Variants in PGCKA1 observed in about 807,000 individuals in gnomAD.
PGCKA1 encodes PDCD10 and GCKIII kinases-associated protein 1.
chr4:37,472,370 A>G, the PGCKA1 span, among the ~76,000 whole-genome samples: 1 of 152,302 alleles, frequency 6.6e-6, no homozygotes, highest in South Asian at 2.1e-4. Flanking sequence ...TTTGTCCTGA[A>G]TCTATCAACT....
chr4:37,546,795 C>T, the PGCKA1 span, among the ~76,000 whole-genome samples: 1 of 152,230 alleles, frequency 6.6e-6, no homozygotes, highest in Admixed American at 6.5e-5. Flanking sequence ...TGACGCGATC[C>T]AAAGACCGCT....
At chr4:37,567,065 AAAAAAT>A in the PGCKA1 span, among the ~76,000 whole-genome samples, 1,057 of 152,130 alleles carry the variant, frequency 6.9e-3, 4 homozygotes, top group Middle Eastern at 0.017. Context: ...AGCGGACAAA[AAAAAAT>A]AAAATAAAAT....
At chr4:37,492,190 C>T in the PGCKA1 span, among the ~76,000 whole-genome samples, 48 of 152,060 alleles carry the variant, frequency 3.2e-4, no homozygotes, top group Middle Eastern at 3.4e-3. This position sits in a 1 kb window ranked among gnomAD's most constrained non-coding sequence, Gnocchi z 4.7. Context: ...TACAGGTGTG[C>T]GCCACCACTG....
the PGCKA1 span, among the ~76,000 whole-genome samples, chr4:37,577,257 T>A: frequency 1.3e-5 from 2 of 152,088 alleles, no homozygotes; most frequent in Non-Finnish European, 2.9e-5. Context: ...TTTGATCTTG[T>A]TATTGGTCAG....
chr4:37,577,346 C>A, the PGCKA1 span, among the ~76,000 whole-genome samples: 1 of 151,992 alleles, frequency 6.6e-6, no homozygotes, highest in South Asian at 2.1e-4. Context: ...TCTAGATTTT[C>A]CAGTTTATTG....
chr4:37,493,162 T>G, the PGCKA1 span, among the ~76,000 whole-genome samples: 46 of 152,326 alleles, frequency 3.0e-4, no homozygotes, highest in African/African-American at 8.4e-4. Context: ...TTAATAAGAT[T>G]CAGGAAGAGG....
chr4:37,497,388 A>G, the PGCKA1 span, among the ~76,000 whole-genome samples: 2 of 152,140 alleles, frequency 1.3e-5, no homozygotes, highest in African/African-American at 4.8e-5. Context: ...TTGTGTTGCT[A>G]TAAACATGCG....
chr4:37,580,905 A>G, the PGCKA1 span, among the ~76,000 whole-genome samples: 1 of 152,140 alleles, frequency 6.6e-6, no homozygotes, highest in Non-Finnish European at 1.5e-5. Context: ...TTAGAGATCT[A>G]CCTGGTGCTC....
the PGCKA1 span, among the ~76,000 whole-genome samples, chr4:37,477,574 T>TA: frequency 6.6e-6 from 1 of 152,204 alleles, no homozygotes; most frequent in African/African-American, 2.4e-5. Flanking sequence ...ATATAGCTGT[T>TA]AAAAATAATA....
At chr4:37,500,839 GTTGAA>G in the PGCKA1 span, among the ~76,000 whole-genome samples, 1 of 152,204 alleles carries the variant, frequency 6.6e-6, no homozygotes, top group South Asian at 2.1e-4. Context: ...ATAGTTTCTT[GTTGAA>G]TTGAACCCTT....
the PGCKA1 span, among the ~76,000 whole-genome samples, chr4:37,563,810 A>C: frequency 6.6e-6 from 1 of 152,180 alleles, no homozygotes; most frequent in African/African-American, 2.4e-5. Context: ...CAAATGCTTC[A>C]AGTTTCTTCC....
chr4:37,514,178 A>G, the PGCKA1 span, among the ~76,000 whole-genome samples: 2 of 152,232 alleles, frequency 1.3e-5, no homozygotes, highest in Non-Finnish European at 1.5e-5. Context: ...TAAGATGCCA[A>G]TGTTATCTCT....
the PGCKA1 span, among the ~76,000 whole-genome samples, chr4:37,572,063 C>CTTTTTT: frequency 1.1e-3 from 101 of 89,978 alleles, 6 homozygotes; most frequent in South Asian, 2.4e-3. Context: ...TTTTTTTTTT[C>CTTTTTT]TTTTTTTTTT....
At chr4:37,459,130 T>C in the PGCKA1 span, among the ~76,000 whole-genome samples, 1 of 152,120 alleles carries the variant, frequency 6.6e-6, no homozygotes, top group African/African-American at 2.4e-5. Context: ...ATTATACGGC[T>C]CAGAGTTTTG....
chr4:37,478,855 T>C, the PGCKA1 span, among the ~76,000 whole-genome samples: 1 of 152,226 alleles, frequency 6.6e-6, no homozygotes, highest in African/African-American at 2.4e-5. Flanking sequence ...TTTTCTCAAA[T>C]GGCTATAAAT....
the PGCKA1 span, among the ~76,000 whole-genome samples, chr4:37,567,571 C>T: frequency 2.0e-5 from 3 of 152,198 alleles, no homozygotes; most frequent in African/African-American, 7.2e-5. Context: ...CTCGCTTAAC[C>T]ACTCTGCTGA....
chr4:37,520,326 G>A, the PGCKA1 span, among the ~76,000 whole-genome samples: 15,465 of 152,162 alleles, frequency 0.1, 1,023 homozygotes, highest in South Asian at 0.24. Context: ...CTTGAGTAGC[G>A]TTGGTATTAG....
the PGCKA1 span, among the ~76,000 whole-genome samples, chr4:37,548,029 G>C: frequency 5.0e-3 from 742 of 149,784 alleles, 7 homozygotes; most frequent in African/African-American, 0.016. Flanking sequence ...AAAAGGGGGG[G>C]AGGCAGAATT....
the PGCKA1 span, among the ~76,000 whole-genome samples, chr4:37,580,914 T>G: frequency 1.3e-5 from 2 of 152,194 alleles, no homozygotes; most frequent in African/African-American, 4.8e-5. Context: ...TACCTGGTGC[T>G]CTATTCTACT....
Sources: allele counts gnomAD v4.1 joint callset (sites outside exome capture counted in the v4.1 genomes callset), GRCh38; gene constraint gnomAD v4.1.1; non-coding constraint Gnocchi (gnomAD v3.1); transcripts MANE v1.5; gene names NCBI Gene and HGNC (gene_info 2026-07-23, HGNC 2026-07-21).